The following PPARGC1B variants were observed in gnomAD, a reference collection of about 807,000 sequenced individuals.
PPARGC1B encodes PPARG coactivator 1 beta, also known as peroxisome proliferator-activated receptor gamma coactivator 1-beta.
A neutral mutation model predicts 101.6 loss-of-function variants in PPARGC1B; 34 were observed. The ratio of observed to expected loss-of-function variants is 0.33; its 90% confidence interval spans 0.25 to 0.45. PPARGC1B has a LOEUF of 0.45. Ranked by LOEUF, PPARGC1B falls within the 20% of genes least tolerant of loss-of-function variation. The pLI is 1.00. For missense variants in PPARGC1B, 1,234 were observed against 1,317.6 expected (o/e 0.94, Z 0.98); for synonymous variants, 548 against 539.3 (o/e 1.02, Z -0.22).
rs980052245 is a variant in PPARGC1B at position 149,840,679 on chromosome 5, G to T, written c.2694+563G>T. Among the ~76,000 whole-genome samples the T allele has an allele frequency of 2.6e-5, 4 of 152,326 alleles. No homozygotes were observed. In the East Asian group the frequency reaches 7.7e-4, roughly 29 times the overall value. On this transcript the variant is annotated intron_variant, in intron 9 of 11. Transcript: ENST00000309241. Reference sequence around the variant, plus strand: ...GTTAGTCCACAGGCCCTGGCCTTCTGCCTTTGCCTGGTGACCCTACTGCAA... The same window carrying T: ...GTTAGTCCACAGGCCCTGGCCTTCTTCCTTTGCCTGGTGACCCTACTGCAA...
intron 1 of PPARGC1B, among the ~76,000 whole-genome samples, chr5:149,787,512 T>C (rs1429389531): frequency 6.6e-6 from 1 of 152,354 alleles, no homozygotes; most frequent in East Asian, 1.9e-4. Context: ...CTTTTGCCGG[T>C]GTCTATTGTC....
At chr5:149,792,268 A>G (rs139627505) in intron 1 of PPARGC1B, among the ~76,000 whole-genome samples, 3 of 152,328 alleles carry the variant, frequency 2.0e-5, no homozygotes, top group African/African-American at 4.8e-5. Flanking sequence ...GGGCTCCTCC[A>G]GTGTCCCAGG....
At chr5:149,758,215 T>C (rs1311772781) in intron 1 of PPARGC1B, among the ~76,000 whole-genome samples, 1 of 152,268 alleles carries the variant, frequency 6.6e-6, no homozygotes, top group East Asian at 1.9e-4. Flanking sequence ...TGGGTAACCC[T>C]GCCCTTTGGG....
chr5:149,795,889 C>A (rs535896824), intron 1 of PPARGC1B, among the ~76,000 whole-genome samples: 1 of 152,046 alleles, frequency 6.6e-6, no homozygotes, highest in Non-Finnish European at 1.5e-5. Flanking sequence ...CCTCATTAGG[C>A]CTCCTCAGTT....
chr5:149,805,980 A>G (rs908422066), intron 1 of PPARGC1B, among the ~76,000 whole-genome samples: 2 of 152,266 alleles, frequency 1.3e-5, no homozygotes, highest in Non-Finnish European at 2.9e-5. Flanking sequence ...GTGCAGCAGC[A>G]GGGGCAGCTG....
chr5:149,820,212 T>C (rs1242165850), intron 1 of PPARGC1B, among the ~76,000 whole-genome samples: 2 of 152,014 alleles, frequency 1.3e-5, no homozygotes, highest in Non-Finnish European at 2.9e-5. Flanking sequence ...TATGTAGGAG[T>C]GCAGAGGGGA....
At chr5:149,835,160 C>T (rs1355504776) in intron 6 of PPARGC1B, 141 bp from the exon 7 acceptor site, 14 of 767,528 alleles carry the variant, frequency 1.8e-5, no homozygotes, top group Admixed American at 1.0e-4. Context: ...TCCCCCAGAG[C>T]GAATGCATCT....
chr5:149,760,703 G>T (rs1334597031), intron 1 of PPARGC1B, among the ~76,000 whole-genome samples: 1 of 152,176 alleles, frequency 6.6e-6, no homozygotes, highest in Non-Finnish European at 1.5e-5. Flanking sequence ...TCATGCACCT[G>T]CTGCACAAAT....
chr5:149,734,948 C>T (rs1462676955), intron 1 of PPARGC1B, among the ~76,000 whole-genome samples: 1 of 152,138 alleles, frequency 6.6e-6, no homozygotes, highest in Non-Finnish European at 1.5e-5. Context: ...TGTTCTAAAG[C>T]TGGGACTGAG....
chr5:149,800,380 C>T (rs1757393216), intron 1 of PPARGC1B, among the ~76,000 whole-genome samples: 1 of 152,140 alleles, frequency 6.6e-6, no homozygotes, highest in Non-Finnish European at 1.5e-5. Context: ...ACCAAGAACT[C>T]AGAGATGAGA....
Position 149,847,923 on chromosome 5 carries a change from A to G in PPARGC1B, c.*365A>G, listed in dbSNP as rs1420199054. ...GTTCACCATAACATTTCTTGTCTGT[A>G]GTGTGTGATGATGAAATTGTTACTT... On this transcript the variant is annotated 3_prime_UTR_variant, in exon 12 of 12. Coordinates refer to ENST00000309241, the MANE Select transcript of PPARGC1B (RefSeq NM_133263.4). 4.0e-5 allele frequency: 10 copies of G among 249,762 alleles called. No individual in the cohort carries two copies. In the East Asian group the frequency reaches 7.4e-4, roughly 19 times the overall value. 15.5% of individuals were successfully genotyped at this position (249,762 alleles called of 1,614,324 possible). A position where few individuals can be genotyped will look rare whatever the true frequency, so the allele number is the denominator to read the frequency against.
At position 149,840,071 on chromosome 5, in the gene PPARGC1B, A is replaced by T; in HGVS notation, c.2649A>T (p.Arg883Ser). Reference protein sequence around the residue: ...RCESRGPCSDRTPSIRHARKR... With the variant: ...RCESRGPCSDSTPSIRHARKR... ...AGAGCAGAGGGCCGTGTTCAGACAGAACGCCAAGCATCCGGCACGCCAGGA... is the reference window on the plus strand; with the variant it reads ...AGAGCAGAGGGCCGTGTTCAGACAGTACGCCAAGCATCCGGCACGCCAGGA... Residue 883 changes from arginine (R) to serine (S), a missense_variant, in exon 9 of 12, where the codon AGA (arginine) becomes AGT (serine). This residue lies in a region of PPARGC1B where 497 missense variants were observed against 529.5 expected (regional missense o/e 0.94). Transcript: ENST00000309241. 1 of 1,614,060 alleles carries T rather than the reference A, an allele frequency of 6.2e-7. No homozygotes were observed. The highest frequency in any genetic ancestry group is 2.2e-5 in the East Asian group (1 of 44,878).
At chr5:149,835,954 T>G (rs936838637) in intron 7 of PPARGC1B, among the ~76,000 whole-genome samples, 1 of 148,814 alleles carries the variant, frequency 6.7e-6, no homozygotes, top group Non-Finnish European at 1.5e-5. Flanking sequence ...GGTCTTTTTT[T>G]TTTCTTTTTT....
chr5:149,822,147 A>G (rs1008675080), intron 2 of PPARGC1B, among the ~76,000 whole-genome samples: 2 of 152,084 alleles, frequency 1.3e-5, no homozygotes, highest in African/African-American at 4.8e-5. Context: ...TAGGGGGCCA[A>G]CTCCAGAAAA....
intron 1 of PPARGC1B, among the ~76,000 whole-genome samples, chr5:149,731,403 A>C (rs62382272): frequency 0.15 from 22,069 of 152,058 alleles, 1,733 homozygotes; most frequent in Admixed American, 0.24. Flanking sequence ...CTCCAGAGTT[A>C]GGGCTTTTTC....
At chr5:149,737,621 C>T (rs1214274620) in intron 1 of PPARGC1B, among the ~76,000 whole-genome samples, 1 of 152,232 alleles carries the variant, frequency 6.6e-6, no homozygotes, top group Admixed American at 6.5e-5. Flanking sequence ...CTGCGATTTG[C>T]CAGCTTCGAG....
chr5:149,754,420 ACTCT>A (rs1755431270), intron 1 of PPARGC1B, among the ~76,000 whole-genome samples: 1 of 151,928 alleles, frequency 6.6e-6, no homozygotes, highest in Non-Finnish European at 1.5e-5. Context: ...AGTCAGTTAA[ACTCT>A]CTGAGTCACT....
intron 1 of PPARGC1B, among the ~76,000 whole-genome samples, chr5:149,776,060 TACCAAGATACC>T (rs1417654981): frequency 1.6e-4 from 25 of 152,252 alleles, no homozygotes. Context: ...TTCTCTGCCA[TACCAAGATACC>T]ACCTCTTTTC....
chr5:149,804,799 AGGT>A (rs1407204628), intron 1 of PPARGC1B, among the ~76,000 whole-genome samples: 4 of 152,222 alleles, frequency 2.6e-5, no homozygotes, highest in Admixed American at 6.5e-5. Flanking sequence ...GAGGTGTCCC[AGGT>A]GGACAGCCCC....
Sources: allele counts gnomAD v4.1 joint callset (sites outside exome capture counted in the v4.1 genomes callset), GRCh38; gene constraint gnomAD v4.1.1; regional missense constraint gnomAD v4.1.1; transcripts MANE v1.5; gene names NCBI Gene and HGNC (gene_info 2026-07-23, HGNC 2026-07-21).